NTRK1: variants seen among roughly 807,000 people sequenced by gnomAD.
NTRK1 encodes neurotrophic receptor tyrosine kinase 1.
A neutral mutation model predicts 86.8 loss-of-function variants in NTRK1; 62 were observed. The ratio of observed to expected loss-of-function variants is 0.71; its 90% CI spans 0.58 to 0.88. The LOEUF (loss-of-function observed/expected upper bound fraction) is 0.88. Among genes scored for constraint, NTRK1 ranks in the 40% least tolerant of loss-of-function variants. The pLI, the probability that NTRK1 is intolerant of heterozygous loss-of-function variation, is 0.00. For synonymous variants in NTRK1, 469 were observed against 456.6 expected (o/e 1.03, Z -0.35); for missense variants, 967 against 1,078.4 (o/e 0.90, Z 1.45).
chr1:156,850,039 A>C (rs2102864681), intron 2 of NTRK1, among the ~76,000 whole-genome samples: 2 of 152,130 alleles, frequency 1.3e-5, no homozygotes, highest in South Asian at 4.2e-4. Context: ...AGTAGCTGAG[A>C]CTACAGGCAT....
chr1:156,815,853 C>T (rs527803577), intron 1 of NTRK1: 13 of 1,614,142 alleles, frequency 8.1e-6, no homozygotes, highest in East Asian at 2.2e-5. Context: ...TCCTCATTTT[C>T]GTTCTCTCTC....
At chr1:156,875,889 C>A in intron 12 of NTRK1, 191 bp from the exon 13 acceptor site, 1 of 1,091,100 alleles carries the variant, frequency 9.2e-7, no homozygotes, top group Non-Finnish European at 1.3e-6. Context: ...CAAACCATGT[C>A]CTCTCGGGGC....
At chr1:156,861,247 G>C in intron 1 of NTRK1, 101 bp downstream of exon 1, 1 of 1,380,372 alleles carries the variant, frequency 7.2e-7, no homozygotes, top group Non-Finnish European at 9.8e-7. Context: ...GGCAGGACGA[G>C]CACGGCGGAA....
intron 7 of NTRK1, 56 bp downstream of exon 7, chr1:156,871,811 A>G: frequency 3.1e-6 from 5 of 1,610,638 alleles, no homozygotes; most frequent in Non-Finnish European, 4.2e-6. Context: ...TCTTCCCTCA[A>G]AAGAGGATGT....
At chr1:156,868,320 C>T in intron 5 of NTRK1, 71 bp downstream of exon 5, 1 of 1,582,834 alleles carries the variant, frequency 6.3e-7, no homozygotes, top group Non-Finnish European at 8.5e-7. Context: ...GGAGAGGGCA[C>T]TGAGCAAGCA....
intron 7 of NTRK1, among the ~76,000 whole-genome samples, chr1:156,872,351 A>G (rs1209052500): frequency 6.6e-6 from 1 of 152,170 alleles, no homozygotes. Flanking sequence ...GACTTTTGTC[A>G]GGATAACCAT....
chr1:156,844,134 A>G, intron 2 of NTRK1: 1 of 1,431,348 alleles, frequency 7.0e-7, no homozygotes, highest in Non-Finnish European at 9.8e-7. Flanking sequence ...ATGAGGGCTC[A>G]GGGAGAAAAG....
chr1:156,866,789 C>T, intron 3 of NTRK1, 121 bp from the exon 4 acceptor site: 3 of 1,006,712 alleles, frequency 3.0e-6, no homozygotes, highest in South Asian at 2.6e-5. Context: ...TTCTGGTTGC[C>T]TAGGCCGGGG....
At chr1:156,843,232 C>A in intron 2 of NTRK1, 1 of 1,613,916 alleles carries the variant, frequency 6.2e-7, no homozygotes, top group Non-Finnish European at 8.5e-7. Flanking sequence ...CAGGGACATA[C>A]ACTGCAAGGA....
chr1:156,851,223 C>T lies in NTRK1; in HGVS notation c.50+9030C>T, dbSNP rs761485351. The T allele has an allele frequency of 1.9e-5, 31 of 1,593,340 alleles. No individual in the cohort carries two copies. The South Asian group carries it at 2.5e-4, about 13-fold the overall frequency. On this transcript the variant is annotated intron_variant, in intron 2 of 16. Transcript: ENST00000392302. ...TTGGTTCCAGAGCCCATTCTCTTCA[C>T]CACTGTTCTGGGAGTGTTGGAGGAA...
At chr1:156,837,106 C>G (rs1254680819) in intron 1 of NTRK1, 4 of 152,298 alleles carry the variant, frequency 2.6e-5, no homozygotes, top group Non-Finnish European at 4.4e-5. Context: ...AGCCAGGCAT[C>G]AGCTGCAGCT....
chr1:156,880,354 T>G, intron 16 of NTRK1, 197 bp downstream of exon 16: 1 of 645,500 alleles, frequency 1.5e-6, no homozygotes, highest in Non-Finnish European at 2.7e-6. Flanking sequence ...TGCCTTCACC[T>G]ACTGTCCTAA....
At chr1:156,845,592 C>T (rs1654968228) in intron 2 of NTRK1, 1 of 1,580,606 alleles carries the variant, frequency 6.3e-7, no homozygotes, top group Non-Finnish European at 8.6e-7. Flanking sequence ...TCATCAGACC[C>T]TCCCAGGCCG....
In NTRK1 at chr1:156,868,655, G is replaced by A. The variant is rs373713724; in HGVS notation, c.717+8G>A. On this transcript the variant is annotated splice_region_variant and intron_variant, in intron 6 of 16. Transcript: ENST00000524377. ...CAGTCAGCCACGGTGATGGTGAGAA[G>A]ACCTTCGCTGGCAGCCCCCAAGAGG... 1.9e-6 allele frequency: 3 copies of A among 1,550,270 alleles called. No individual in the cohort carries two copies. In the African/African-American group the frequency reaches 4.1e-5, roughly 21 times the overall value.
intron 1 of NTRK1, among the ~76,000 whole-genome samples, chr1:156,862,742 C>T (rs1011184124): frequency 1.2e-4 from 18 of 152,162 alleles, no homozygotes; most frequent in African/African-American, 3.9e-4. Context: ...ACAGCTCCCA[C>T]ACACCCTGCC....
chr1:156,877,073 A>G (rs535979618), intron 14 of NTRK1, among the ~76,000 whole-genome samples: 81 of 152,224 alleles, frequency 5.3e-4, no homozygotes, highest in African/African-American at 1.9e-3. Context: ...GCTGGAGTGC[A>G]ACGGTGTTGC....
In NTRK1 at chr1:156,836,761, GAATGAGGAGCATATTTCACAGGA is replaced by G. The variant is rs1654609901; in HGVS notation, c.-63-5319_-63-5297del. Among the ~76,000 whole-genome samples, 15 of 36,266 alleles carry G rather than the reference GAATGAGGAGCATATTTCACAGGA, an allele frequency of 4.1e-4. 3 individuals carry two copies. The highest frequency in any genetic ancestry group is 7.2e-3 in the East Asian group (2 of 278). 23.8% of individuals were successfully genotyped at this position (36,266 alleles called of 152,430 possible). ...AATGAGGAGCATATTTCACAGGACT[GAATGAGGAGCATATTTCACAGGA>G]CTGAATGAGGAGCATATTTCACAGG... On this transcript the variant is annotated intron_variant, in intron 1 of 16. Transcript: ENST00000392302.
At chr1:156,847,590 G>A (rs1171093482) in intron 2 of NTRK1, among the ~76,000 whole-genome samples, 1 of 152,172 alleles carries the variant, frequency 6.6e-6, no homozygotes. Flanking sequence ...AAATTGGGTG[G>A]CAGTGGGGGA....
At chr1:156,841,305 T>C (rs1654769996) in intron 1 of NTRK1, 2 of 1,271,044 alleles carry the variant, frequency 1.6e-6, no homozygotes, top group Admixed American at 1.8e-5. Flanking sequence ...TGTCAAAGCA[T>C]CAGAGGAGGT....
Sources: gnomAD v4.1 joint callset for allele counts (sites outside exome capture counted in the v4.1 genomes callset) on GRCh38, gnomAD v4.1.1 for gene constraint, MANE v1.5 for transcripts, NCBI Gene and HGNC (gene_info 2026-07-23, HGNC 2026-07-21) for gene names.